Variants in NMRK2 observed in about 807,000 individuals in gnomAD.
NMRK2 encodes NRK 2.
In NMRK2, 34 loss-of-function variants were observed where a neutral mutation model predicts 24.7. That is an observed-to-expected ratio of 1.37 (90% CI 1.05 to 1.83). NMRK2 has a LOEUF of 1.83. Ranked by LOEUF, NMRK2 falls within the 40% of genes most tolerant of loss-of-function variation. The pLI is 0.00. For synonymous variants in NMRK2, 145 were observed against 125.6 expected, an observed-to-expected ratio of 1.15 and a Z score of -1.03; for missense variants, 341 against 315.0, an observed-to-expected ratio of 1.08 and a Z score of -0.62.
intron 7 of NMRK2, among the ~76,000 whole-genome samples, chr19:3,941,501 C>T (rs913238630): frequency 1.2e-4 from 18 of 151,378 alleles, no homozygotes; most frequent in African/African-American, 4.4e-4. Flanking sequence ...GATCTGCCCT[C>T]CTTGGTCTCC....
At chr19:3,942,033 C>T (rs2039341830) in intron 7 of NMRK2, 50 bp from the exon 8 acceptor site, 2 of 1,523,688 alleles carry the variant, frequency 1.3e-6, no homozygotes, top group Admixed American at 1.7e-5. Context: ...TCCCCCCGTG[C>T]TCTGGCCCCC....
intron 2 of NMRK2, among the ~76,000 whole-genome samples, chr19:3,934,388 G>A (rs1339513584): frequency 6.6e-6 from 1 of 152,134 alleles, no homozygotes; most frequent in African/African-American, 2.4e-5. Context: ...ACATGACTGT[G>A]CCTTTGGAGC....
intron 3 of NMRK2, among the ~76,000 whole-genome samples, 175 bp downstream of exon 3, chr19:3,936,840 G>T (rs371069572): frequency 1.7e-4 from 26 of 152,148 alleles, no homozygotes; most frequent in African/African-American, 5.6e-4. Context: ...AGTGAGGGAC[G>T]GGTGTCGTGT....
chr19:3,934,564 TTGG>T (rs765874268), intron 2 of NMRK2, among the ~76,000 whole-genome samples: 4 of 117,696 alleles, frequency 3.4e-5, no homozygotes, highest in African/African-American at 1.2e-4. Context: ...GTTTTTTTTT[TTGG>T]GGGGGGGGTG....
In NMRK2 at chr19:3,941,127, C is replaced by G. The variant is rs199684854; in HGVS notation, c.452C>G (p.Pro151Arg). The G allele has an allele frequency of 3.2e-5, 52 of 1,613,806 alleles. No homozygotes were observed. Among genetic ancestry groups the G allele is most frequent in the Non-Finnish European group, 5.9e-6 (7 of 1,179,864 alleles). Residue 151 changes from proline to arginine, a missense_variant, in exon 7 of 8, where the codon CCC (proline) becomes CGC (arginine). Physicochemically the swap from Pro to Arg is moderately radical, Grantham distance 103. Coordinates refer to ENST00000168977, the MANE Select transcript of NMRK2 (RefSeq NM_170678.3). ...GGCCTCTTCGATGGCCACGTGTGGC[C>G]CATGTACCAGAAGTATAGGCAGGAG... ...PPGLFDGHVW[P>R]MYQKYRQEME...
In NMRK2 at chr19:3,937,234, T is replaced by C; in HGVS notation, c.118-6T>C. The stretch of plus-strand genomic sequence containing the variant: ...TGAGCCCGAGGTTCAGGCTCCTCTG[T>C]TTCAGCCCCAAGACCAAATAGCAGT... On this transcript the variant is annotated splice_region_variant and splice_polypyrimidine_tract_variant and intron_variant, in intron 3 of 7. Transcript: ENST00000168977. The C allele has an allele frequency of 3.1e-6, 5 of 1,613,104 alleles. No individual in the cohort carries two copies. Among genetic ancestry groups the C allele is most frequent in the Non-Finnish European group, 4.2e-6 (5 of 1,179,494 alleles).
chr19:3,941,208 CCGGG>C, intron 7 of NMRK2, 31 bp downstream of exon 7: 5 of 1,224,488 alleles, frequency 4.1e-6, no homozygotes, highest in East Asian at 2.5e-5. Flanking sequence ...AGGCCTTGCC[CCGGG>C]CGGGCGGGGG....
intron 1 of NMRK2, 121 bp from the exon 2 acceptor site, chr19:3,933,337 G>A: frequency 2.7e-6 from 1 of 369,974 alleles, no homozygotes; most frequent in Non-Finnish European, 4.8e-6. Flanking sequence ...GGAGAGGAGG[G>A]AGGAGGGGGT....
Position 3,939,986 on chromosome 19 carries a change from T to C in NMRK2, c.395+15T>C. 6.2e-7 allele frequency: 1 copy of C among 1,608,898 alleles called. No individual in the cohort carries two copies. The highest frequency in any genetic ancestry group is 8.5e-7 in the Non-Finnish European group (1 of 1,175,892). Reference sequence around the variant, plus strand: ...TGGAGGAGAAGGTGCACTTGGTGTCTGGGGGTGCGGTGGGCTCCTGAGGGC... The same window carrying C: ...TGGAGGAGAAGGTGCACTTGGTGTCCGGGGGTGCGGTGGGCTCCTGAGGGC... On this transcript the variant is annotated intron_variant, in intron 6 of 7. Coordinates refer to ENST00000168977, the MANE Select transcript of NMRK2 (RefSeq NM_170678.3).
rs35701787 is a variant in NMRK2, at chr19:3,942,247, G to A, written c.667G>A (p.Ala223Thr). 1.1e-3 allele frequency: 1,701 copies of A among 1,611,358 alleles called. 24 individuals carry two copies. In the African/African-American group the frequency reaches 0.02, roughly 19 times the overall value. ...RGCGHRTARPAASQQDSM is the reference protein window; with the variant it reads ...RGCGHRTARPTASQQDSM Reference sequence around the variant, plus strand: ...ATGCGGCCACAGAACGGCCAGGCCTGCAGCGTCCCAGCAGGACAGCATGTG... The same window carrying A: ...ATGCGGCCACAGAACGGCCAGGCCTACAGCGTCCCAGCAGGACAGCATGTG... Residue 223 changes from alanine (A) to threonine (T), a missense_variant, in exon 8 of 8, where the codon GCA becomes ACA. By Grantham distance (58) the Ala-to-Thr change is moderately conservative (BLOSUM62 0). Coordinates refer to ENST00000168977, the MANE Select transcript of NMRK2 (RefSeq NM_170678.3).
Position 3,938,769 on chromosome 19 carries a change from T to C in NMRK2, c.323+10T>C, listed in dbSNP as rs747260901. 1 of 1,537,912 alleles carries C rather than the reference T, an allele frequency of 6.5e-7. No homozygotes were observed. Among genetic ancestry groups the C allele is most frequent in the Non-Finnish European group, 8.8e-7 (1 of 1,133,474 alleles). On this transcript the variant is annotated intron_variant, in intron 5 of 7. Transcript: ENST00000168977. ...TGCTCTACAGCTACAAGTAAACATC[T>C]GCAGGCTCTGGCCCCAGGCATGGCC...
intron 7 of NMRK2, 135 bp downstream of exon 7, chr19:3,941,312 C>T (rs1380871524): frequency 1.5e-5 from 8 of 542,642 alleles, no homozygotes; most frequent in African/African-American, 3.9e-5. Flanking sequence ...TACAGTGGCA[C>T]GATCTTGGCT....
chr19:3,938,536 A>G, intron 4 of NMRK2, 67 bp from the exon 5 acceptor site: 7 of 1,423,658 alleles, frequency 4.9e-6, no homozygotes, highest in Non-Finnish European at 6.5e-6. Flanking sequence ...CCCTCCTGCA[A>G]TGCCCGCTCC....
Position 3,933,530 on chromosome 19 carries a change from C to A in NMRK2, c.-142C>A. On this transcript the variant is annotated 5_prime_UTR_variant, in exon 2 of 8. Transcript: ENST00000168977. ...GCCCCATCCCCAGGGGCCGCCTCCC[C>A]CGGGGCGGCCTCCAGGCTGCCGAGA... 2.2e-6 allele frequency: 2 copies of A among 928,670 alleles called. No individual in the cohort carries two copies. The highest frequency in any genetic ancestry group is 1.8e-5 in the South Asian group (1 of 56,398). The allele number at this position is 928,670 out of a possible 1,614,324, so 57.5% of individuals were successfully genotyped here. A position where few individuals can be genotyped will look rare whatever the true frequency, so the allele number is the denominator to read the frequency against.
At chr19:3,933,757 G>A (rs531450442) in intron 2 of NMRK2, 60 bp downstream of exon 2, 4 of 1,361,388 alleles carry the variant, frequency 2.9e-6, no homozygotes, top group Admixed American at 3.6e-5. Context: ...TGCGCGCAGA[G>A]GGGGAGGCCC....
chr19:3,939,775 T>C, intron 5 of NMRK2, 125 bp from the exon 6 acceptor site: 1 of 742,788 alleles, frequency 1.3e-6, no homozygotes. Flanking sequence ...ACCCCTAAAC[T>C]CACTGGCCCA....
intron 6 of NMRK2, 86 bp from the exon 7 acceptor site, chr19:3,940,985 T>C: frequency 2.3e-6 from 2 of 854,596 alleles, no homozygotes; most frequent in East Asian, 2.6e-5. Flanking sequence ...TCCCTGACTA[T>C]GACAGCTTTC....
rs1249623655 is a variant in NMRK2 at position 3,938,672 on chromosome 19, T to C, written c.236T>C (p.Phe79Ser). 5 of 1,612,712 alleles carry C rather than the reference T, an allele frequency of 3.1e-6. No individual in the cohort carries two copies. Among genetic ancestry groups the C allele is most frequent in the Non-Finnish European group, 1.7e-6 (2 of 1,179,514 alleles). Residue 79 changes from phenylalanine (F) to serine (S), a missense_variant, in exon 5 of 8, where the codon TTT becomes TCT. Phe to Ser is a radical substitution (Grantham distance 155). Transcript: ENST00000168977. ...GCCTGGCTGAGCAGCCCGCAGAAGT[T>C]TGCCCGTGCCCACGGGGTCAGCGTC... is the stretch of plus-strand genomic sequence containing the variant. ...VQAWLSSPQK[F>S]ARAHGVSVQP...
chr19:3,937,159 A>AC, intron 3 of NMRK2, 81 bp from the exon 4 acceptor site: 1 of 1,411,692 alleles, frequency 7.1e-7, no homozygotes, highest in South Asian at 1.2e-5. Context: ...CCAGCAAGGG[A>AC]CCCCCTAAGA....
Sources: allele counts gnomAD v4.1 joint callset (sites outside exome capture counted in the v4.1 genomes callset), GRCh38; gene constraint gnomAD v4.1.1; transcripts MANE v1.5; gene names NCBI Gene and HGNC (gene_info 2026-07-23, HGNC 2026-07-21).